Variants in CSMD1 observed in about 807,000 individuals in gnomAD.
CSMD1 encodes CUB and sushi domain-containing protein 1.
A neutral mutation model predicts 417.5 loss-of-function variants in CSMD1; 213 were observed. That is an observed-to-expected ratio of 0.51 (90% CI 0.46 to 0.57). The LOEUF is 0.57. Ranked by LOEUF, CSMD1 falls within the 20% of genes least tolerant of loss-of-function variation. The pLI is 0.00. For missense variants in CSMD1, 6,923 were observed against 4,529.7 expected (o/e 1.53, Z -15.17); for synonymous variants, 2,862 against 1,736.8 (o/e 1.65, Z -16.11).
chr8:3,995,315 C>G (rs1198153704), intron 5 of CSMD1, among the ~76,000 whole-genome samples: 1 of 152,180 alleles, frequency 6.6e-6, no homozygotes, highest in Non-Finnish European at 1.5e-5. Context: ...AAACGTAGTC[C>G]TTGTGGCTGT....
intron 3 of CSMD1, among the ~76,000 whole-genome samples, chr8:4,375,457 C>T (rs897843295): frequency 1.3e-5 from 2 of 152,098 alleles, no homozygotes; most frequent in African/African-American, 2.4e-5. Context: ...TGTCCTCACC[C>T]GTTTGTAGTT....
At chr8:4,918,372 G>C (rs1213530978) in intron 1 of CSMD1, among the ~76,000 whole-genome samples, 1 of 152,152 alleles carries the variant, frequency 6.6e-6, no homozygotes, top group East Asian at 1.9e-4. Context: ...TGAAAGGTGG[G>C]TGTTCCTCCC....
chr8:4,155,224 G>C (rs1400127066), intron 3 of CSMD1, among the ~76,000 whole-genome samples: 2 of 152,120 alleles, frequency 1.3e-5, no homozygotes, highest in Non-Finnish European at 2.9e-5. Context: ...CAGATGACTG[G>C]GTCACGCAAA....
At chr8:3,671,380 T>A (rs1016718201) in intron 7 of CSMD1, among the ~76,000 whole-genome samples, 2 of 147,810 alleles carry the variant, frequency 1.4e-5, no homozygotes, top group Non-Finnish European at 3.0e-5. Context: ...TGAAAACTTT[T>A]ATATCTCAGA....
chr8:3,169,106 C>A (rs1033081088), intron 37 of CSMD1, among the ~76,000 whole-genome samples: 1 of 152,138 alleles, frequency 6.6e-6, no homozygotes, highest in Non-Finnish European at 1.5e-5. Flanking sequence ...CATTCATGGG[C>A]AGATGGTAAG....
chr8:3,399,478 C>T lies in CSMD1; in HGVS notation c.2318G>A (p.Gly773Glu). 6.2e-7 allele frequency: 1 copy of T among 1,609,700 alleles called. No homozygotes were observed. Among genetic ancestry groups the T allele is most frequent in the Non-Finnish European group, 8.5e-7 (1 of 1,177,906 alleles). Reference sequence around the variant, plus strand: ...AGAATCCTTATAATATCCTGGCCATCCAGGAGGCAAAATGACTCCGCTGGA... The same window carrying T: ...AGAATCCTTATAATATCCTGGCCATTCAGGAGGCAAAATGACTCCGCTGGA... ...TASSGVILPP[G>E]WPGYYKDSLH... The change falls in exon 16 of 70, where the codon GGA (glycine) becomes GAA (glutamate). Residue 773 changes from glycine to glutamate, a missense_variant. Physicochemically the swap from Gly to Glu is moderately conservative, Grantham distance 98. Transcript: ENST00000635120.
At chr8:4,791,814 T>C (rs1458721295) in intron 1 of CSMD1, among the ~76,000 whole-genome samples, 1 of 152,178 alleles carries the variant, frequency 6.6e-6, no homozygotes, top group East Asian at 1.9e-4. Flanking sequence ...TGGCATTCTC[T>C]GACACTGACC....
intron 10 of CSMD1, among the ~76,000 whole-genome samples, chr8:3,559,618 C>T (rs764698070): frequency 6.6e-6 from 1 of 152,130 alleles, no homozygotes; most frequent in Non-Finnish European, 1.5e-5. Flanking sequence ...CAATTACAAT[C>T]ACTGATTATC....
At position 4,552,773 on chromosome 8, in the gene CSMD1, G is replaced by A. The variant is rs73661526; in HGVS notation, c.302+84569C>T. ...TCGTTTGAACAGTCATCTCAGAAGG[G>A]TGGTAAAGTGCTTTACACACCTAAC... On this transcript the variant is annotated intron_variant, in intron 2 of 69. Coordinates refer to ENST00000635120, the MANE Select transcript of CSMD1 (RefSeq NM_033225.6). Among the ~76,000 whole-genome samples, 824 of 152,254 alleles carry A rather than the reference G, an allele frequency of 5.4e-3. 5 individuals are homozygous for A. The highest frequency in any genetic ancestry group is 0.019 in the African/African-American group (785 of 41,544).
At chr8:3,347,210 C>T (rs938049222) in intron 22 of CSMD1, among the ~76,000 whole-genome samples, 2 of 152,226 alleles carry the variant, frequency 1.3e-5, no homozygotes, top group African/African-American at 4.8e-5. Flanking sequence ...ATAGCATTAG[C>T]TCTTGTTTCT....
chr8:3,243,886 C>G (rs540796213), intron 26 of CSMD1, among the ~76,000 whole-genome samples: 1 of 152,020 alleles, frequency 6.6e-6, no homozygotes, highest in South Asian at 2.1e-4. Context: ...GGGCCACAGT[C>G]TATTAAATGC....
At chr8:3,777,024 G>A (rs928510455) in intron 5 of CSMD1, among the ~76,000 whole-genome samples, 1 of 151,604 alleles carries the variant, frequency 6.6e-6, no homozygotes, top group African/African-American at 2.4e-5. Flanking sequence ...TTAAATGCTG[G>A]AGGATTTAAA....
intron 10 of CSMD1, among the ~76,000 whole-genome samples, chr8:3,507,883 G>C (rs190367862): frequency 2.0e-5 from 3 of 152,050 alleles, no homozygotes; most frequent in Admixed American, 1.3e-4. Context: ...ATTTGTTTGA[G>C]TTCATTGTAG....
intron 7 of CSMD1, among the ~76,000 whole-genome samples, chr8:3,633,062 G>A (rs939129648): frequency 6.6e-6 from 1 of 152,172 alleles, no homozygotes; most frequent in Admixed American, 6.5e-5. Context: ...CTGCCCTGTT[G>A]ACTCCCAACA....
intron 30 of CSMD1, among the ~76,000 whole-genome samples, chr8:3,208,531 C>T (rs1382176777): frequency 6.6e-6 from 1 of 152,158 alleles, no homozygotes; most frequent in African/African-American, 2.4e-5. Context: ...TCCCAAGGTG[C>T]TGGGATTACA....
intron 3 of CSMD1, among the ~76,000 whole-genome samples, chr8:4,227,577 G>C (rs1192668863): frequency 6.6e-6 from 1 of 152,002 alleles, no homozygotes; most frequent in Non-Finnish European, 1.5e-5. Context: ...CAGAAGAGAA[G>C]TCCCACAGCC....
At chr8:4,262,117 A>G (rs758488325) in intron 3 of CSMD1, among the ~76,000 whole-genome samples, 2 of 152,096 alleles carry the variant, frequency 1.3e-5, no homozygotes, top group African/African-American at 2.4e-5. Context: ...TCTCTTTCCT[A>G]TAGAGAATTG....
chr8:4,481,296 C>T (rs1030783049), intron 2 of CSMD1, among the ~76,000 whole-genome samples: 7 of 152,322 alleles, frequency 4.6e-5, no homozygotes, highest in African/African-American at 1.7e-4. Flanking sequence ...TCACACTGAC[C>T]CTTATCTTTC....
intron 52 of CSMD1, among the ~76,000 whole-genome samples, chr8:3,010,887 G>A (rs976361085): frequency 1.1e-4 from 17 of 151,868 alleles, no homozygotes; most frequent in Non-Finnish European, 8.8e-5. Context: ...GGGATTACTG[G>A]TGCCCACCAT....
Sources: gnomAD v4.1 joint callset for allele counts (sites outside exome capture counted in the v4.1 genomes callset) on GRCh38, gnomAD v4.1.1 for gene constraint, MANE v1.5 for transcripts, NCBI Gene and HGNC (gene_info 2026-07-23, HGNC 2026-07-21) for gene names.